RAP1GDS1: variants seen among roughly 807,000 people sequenced by gnomAD.
RAP1GDS1 encodes Rap1 GTPase-GDP dissociation stimulator 1, also known as RAP1, GTP-GDP dissociation stimulator 1.
In RAP1GDS1, 35 loss-of-function variants were observed where a neutral mutation model predicts 71.1. That is an observed-to-expected ratio of 0.49 (90% CI 0.38 to 0.65). The LOEUF (loss-of-function observed/expected upper bound fraction) is 0.65. Among genes scored for constraint, RAP1GDS1 ranks in the 30% least tolerant of loss-of-function variants. The pLI, the probability that RAP1GDS1 is intolerant of heterozygous loss-of-function variation, is 0.00. For synonymous variants in RAP1GDS1, 229 were observed against 243.1 expected, an observed-to-expected ratio of 0.94 and a Z score of 0.54; for missense variants, 663 against 706.1, an observed-to-expected ratio of 0.94 and a Z score of 0.69.
At chr4:98,277,877 G>A (rs1246229251) in intron 1 of RAP1GDS1, among the ~76,000 whole-genome samples, 1 of 152,208 alleles carries the variant, frequency 6.6e-6, no homozygotes, top group Non-Finnish European at 1.5e-5. Context: ...GATGGATTTT[G>A]TTAAGGAGAT....
intron 2 of RAP1GDS1, among the ~76,000 whole-genome samples, chr4:98,317,369 C>T (rs2110332595): frequency 6.6e-6 from 1 of 152,250 alleles, no homozygotes; most frequent in African/African-American, 2.4e-5. Flanking sequence ...TCATGTTAGG[C>T]TGCTATGTAT....
chr4:98,396,822 A>G (rs1275198048), intron 6 of RAP1GDS1: 1 of 152,230 alleles, frequency 6.6e-6, no homozygotes, highest in Non-Finnish European at 1.5e-5. Context: ...TTTAAAATTC[A>G]TGTCACATAC....
At chr4:98,312,148 C>T (rs1560815465) in intron 2 of RAP1GDS1, among the ~76,000 whole-genome samples, 1 of 152,112 alleles carries the variant, frequency 6.6e-6, no homozygotes, top group Non-Finnish European at 1.5e-5. Flanking sequence ...CTGTTTAGCT[C>T]ACTATTCTCA....
chr4:98,352,355 C>T (rs1737338117), intron 3 of RAP1GDS1, 121 bp from the exon 4 acceptor site: 1 of 1,049,632 alleles, frequency 9.5e-7, no homozygotes, highest in Non-Finnish European at 1.4e-6. Context: ...TATTCAGCCA[C>T]CTTTTCAAGG....
chr4:98,357,397 G>T (rs1303424164), intron 4 of RAP1GDS1, among the ~76,000 whole-genome samples: 2 of 151,876 alleles, frequency 1.3e-5, no homozygotes, highest in African/African-American at 4.8e-5. Flanking sequence ...TACATCATGT[G>T]TATAAGAATA....
At chr4:98,415,598 T>C (rs1210708389) in intron 7 of RAP1GDS1, among the ~76,000 whole-genome samples, 1 of 152,136 alleles carries the variant, frequency 6.6e-6, no homozygotes, top group Non-Finnish European at 1.5e-5. Flanking sequence ...TATAAGCTCT[T>C]CAGTGAAATA....
At chr4:98,441,016 T>C (rs1751788026) in intron 14 of RAP1GDS1, among the ~76,000 whole-genome samples, 2 of 152,238 alleles carry the variant, frequency 1.3e-5, no homozygotes, top group South Asian at 2.1e-4. Flanking sequence ...TTTGTACCAG[T>C]ACCCCACTAT....
At chr4:98,323,717 C>G (rs1732400666) in intron 2 of RAP1GDS1, among the ~76,000 whole-genome samples, 1 of 148,236 alleles carries the variant, frequency 6.7e-6, no homozygotes, top group African/African-American at 2.5e-5. Context: ...TGACAAAATT[C>G]AACAACCCTT....
At chr4:98,308,297 C>CACTATATATA (rs1239038228) in intron 2 of RAP1GDS1, among the ~76,000 whole-genome samples, 10 of 73,198 alleles carry the variant, frequency 1.4e-4, no homozygotes, top group Admixed American at 7.3e-4. Flanking sequence ...CACACACACA[C>CACTATATATA]TATATATATA....
At chr4:98,379,213 T>C in intron 5 of RAP1GDS1, 50 bp downstream of exon 5, 1 of 1,491,652 alleles carries the variant, frequency 6.7e-7, no homozygotes. Flanking sequence ...AATTAAAAAT[T>C]ATCTTTACTA....
At chr4:98,359,355 G>A (rs1477435531) in intron 4 of RAP1GDS1, among the ~76,000 whole-genome samples, 1 of 151,930 alleles carries the variant, frequency 6.6e-6, no homozygotes, top group African/African-American at 2.4e-5. Context: ...AAATGAGAAA[G>A]GACATTTCTG....
At position 98,261,391 on chromosome 4, in the gene RAP1GDS1, C is replaced by G; in HGVS notation, c.-175C>G. 5.1e-6 allele frequency: 1 copy of G among 196,680 alleles called. No individual in the cohort carries two copies. The highest frequency in any genetic ancestry group is 9.6e-6 in the Non-Finnish European group (1 of 104,696). The allele number at this position is 196,680 out of a possible 1,614,324, so 12.2% of individuals were successfully genotyped here. A position where few individuals can be genotyped will look rare whatever the true frequency, so the allele number is the denominator to read the frequency against. ...CCCGCCCCGCCCCCCGCCGCTCGTC[C>G]CCGCCGCGGCCGCGCCGCCTGCAGC... is the stretch of plus-strand genomic sequence containing the variant. On this transcript the variant is annotated 5_prime_UTR_variant, in exon 1 of 15. Transcript: ENST00000408927.
chr4:98,305,709 ACT>A (rs1419150061), intron 2 of RAP1GDS1, among the ~76,000 whole-genome samples: 1 of 152,008 alleles, frequency 6.6e-6, no homozygotes, highest in Admixed American at 6.6e-5. Flanking sequence ...GCAAAAAAGG[ACT>A]CTCATGTTGT....
chr4:98,392,178 T>A, intron 6 of RAP1GDS1, 98 bp downstream of exon 6: 1 of 1,134,086 alleles, frequency 8.8e-7, no homozygotes. Context: ...CCATTTAGAT[T>A]GTATTAGTTT....
At chr4:98,418,976 CTG>C (rs1748418790) in intron 10 of RAP1GDS1, among the ~76,000 whole-genome samples, 185 bp downstream of exon 10, 1 of 152,206 alleles carries the variant, frequency 6.6e-6, no homozygotes, top group South Asian at 2.1e-4. Flanking sequence ...TTTTGTGAGA[CTG>C]TACAAGAATA....
chr4:98,403,609 T>G (rs1165356252), intron 6 of RAP1GDS1, among the ~76,000 whole-genome samples: 1 of 152,164 alleles, frequency 6.6e-6, no homozygotes, highest in Non-Finnish European at 1.5e-5. Flanking sequence ...CAGAAGAGGG[T>G]TATGAATATT....
chr4:98,434,725 A>G (rs1179730185), intron 13 of RAP1GDS1, among the ~76,000 whole-genome samples: 1 of 151,728 alleles, frequency 6.6e-6, no homozygotes, highest in Non-Finnish European at 1.5e-5. Context: ...GGTTCAAGCA[A>G]TTCTCGTGCC....
intron 3 of RAP1GDS1, among the ~76,000 whole-genome samples, chr4:98,345,880 G>GTA (rs1449138571): frequency 1.3e-5 from 2 of 152,088 alleles, no homozygotes; most frequent in Non-Finnish European, 2.9e-5. Context: ...GAGTACAGCG[G>GTA]TAGCAGCATG....
intron 14 of RAP1GDS1, among the ~76,000 whole-genome samples, chr4:98,438,587 TATC>T (rs1280998285): frequency 7.5e-6 from 1 of 133,626 alleles, no homozygotes; most frequent in Non-Finnish European, 1.6e-5. Flanking sequence ...TATATATATA[TATC>T]TTTTTTTTTT....
Sources: allele counts gnomAD v4.1 joint callset (sites outside exome capture counted in the v4.1 genomes callset), GRCh38; gene constraint gnomAD v4.1.1; transcripts MANE v1.5; gene names NCBI Gene and HGNC (gene_info 2026-07-23, HGNC 2026-07-21).